Variants in MEGF6 observed in about 807,000 individuals in gnomAD.
MEGF6 encodes multiple epidermal growth factor-like domains protein 6.
A neutral mutation model predicts 207.1 loss-of-function variants in MEGF6; 184 were observed. The ratio of observed to expected loss-of-function variants is 0.89; its 90% CI spans 0.79 to 1.00. The LOEUF is 1.00. Among genes scored for constraint, MEGF6 ranks in the 50% least tolerant of loss-of-function variants. The pLI is 0.00. For synonymous variants in MEGF6, 1,038 were observed against 910.0 expected, an observed-to-expected ratio of 1.14 and a Z score of -2.53; for missense variants, 2,282 against 2,202.9, an observed-to-expected ratio of 1.04 and a Z score of -0.72.
intron 3 of MEGF6, among the ~76,000 whole-genome samples, chr1:3,595,082 G>A (rs2101843824): frequency 6.6e-6 from 1 of 152,034 alleles, no homozygotes; most frequent in East Asian, 1.9e-4. Flanking sequence ...CCAATGGCAG[G>A]CTCCTGTCCT....
chr1:3,534,158 C>T (rs974224790), intron 4 of MEGF6, among the ~76,000 whole-genome samples: 9 of 152,170 alleles, frequency 5.9e-5, no homozygotes, highest in African/African-American at 1.4e-4. Context: ...AGCCATGCAC[C>T]GTGGCTTGTC....
intron 3 of MEGF6, among the ~76,000 whole-genome samples, chr1:3,584,847 C>T (rs1643870684): frequency 6.6e-6 from 1 of 152,264 alleles, no homozygotes; most frequent in African/African-American, 2.4e-5. Context: ...GCCCTCAGCA[C>T]CTGCACACCC....
At chr1:3,510,126 G>T in intron 10 of MEGF6, 134 bp from the exon 11 acceptor site, 3 of 1,254,856 alleles carry the variant, frequency 2.4e-6, no homozygotes, top group Non-Finnish European at 2.1e-6. Context: ...TCTTCAACCA[G>T]CCAGTAAAAC....
Position 3,573,429 on chromosome 1 carries a change from T to G in MEGF6, c.481+6396A>C, listed in dbSNP as rs1327457482. On this transcript the variant is annotated intron_variant, in intron 4 of 36. Transcript: ENST00000356575. This position sits in a 1 kb window ranked among gnomAD's most constrained non-coding sequence, Gnocchi z 5.1. Reference sequence around the variant, plus strand: ...ACCCAAAGGTAAGCACGGGAAACAGTGCGGGGAGCCTGGAACTACAGCCCA... The same window carrying G: ...ACCCAAAGGTAAGCACGGGAAACAGGGCGGGGAGCCTGGAACTACAGCCCA... Among the ~76,000 whole-genome samples the G allele has an allele frequency of 3.3e-5, 5 of 152,106 alleles. No individual in the cohort carries two copies.
At chr1:3,521,388 G>A (rs1338481715) in intron 5 of MEGF6, among the ~76,000 whole-genome samples, 1 of 152,192 alleles carries the variant, frequency 6.6e-6, no homozygotes, top group African/African-American at 2.4e-5. Flanking sequence ...CAGGCAGCCT[G>A]GAACGGACTG....
At chr1:3,492,952 T>G in intron 34 of MEGF6, 185 bp from the exon 35 acceptor site, 1 of 711,542 alleles carries the variant, frequency 1.4e-6, no homozygotes, top group South Asian at 2.0e-5. Flanking sequence ...CTGCCCTGCC[T>G]TCCTCAGCTA....
chr1:3,509,418 C>T (rs545206949), intron 11 of MEGF6, among the ~76,000 whole-genome samples, 173 bp from the exon 12 acceptor site: 2 of 152,246 alleles, frequency 1.3e-5, no homozygotes, highest in East Asian at 1.9e-4. Context: ...CAGCTGCACC[C>T]GACCCTCCTT....
chr1:3,521,817 G>A (rs555849292), intron 5 of MEGF6, among the ~76,000 whole-genome samples: 3 of 152,198 alleles, frequency 2.0e-5, no homozygotes, highest in Non-Finnish European at 4.4e-5. Flanking sequence ...AGGCCACCAT[G>A]GGCAAGGGAC....
intron 3 of MEGF6, among the ~76,000 whole-genome samples, chr1:3,580,231 T>G (rs1643759526): frequency 1.3e-4 from 3 of 23,006 alleles, no homozygotes; most frequent in African/African-American, 1.7e-4. Flanking sequence ...GGGCAGGGAG[T>G]GGGGTCTGAG....
At chr1:3,514,033 G>A (rs1320638842) in intron 7 of MEGF6, among the ~76,000 whole-genome samples, 1 of 152,056 alleles carries the variant, frequency 6.6e-6, no homozygotes, top group Non-Finnish European at 1.5e-5. Context: ...CGGATCACAA[G>A]GTCAGGAGAT....
chr1:3,505,667 T>C lies in MEGF6; in HGVS notation c.1919-111A>G, dbSNP rs181335982. 4.6e-5 allele frequency: 63 copies of C among 1,368,832 alleles called. 1 individual carries two copies. The African/African-American group carries it at 8.6e-4, about 19-fold the overall frequency. The allele number at this position is 1,368,832 out of a possible 1,614,324, so 84.8% of individuals were successfully genotyped here. Reference sequence around the variant, plus strand: ...CGACAGCCAAGATCATGTAGGGAGCTGTCCTCCTCCACCTCTCCCCCTGCA... The same window carrying C: ...CGACAGCCAAGATCATGTAGGGAGCCGTCCTCCTCCACCTCTCCCCCTGCA... On this transcript the variant is annotated intron_variant, in intron 15 of 36. Transcript: ENST00000356575.
chr1:3,605,782 G>A (rs564536090), intron 1 of MEGF6, among the ~76,000 whole-genome samples: 18 of 152,332 alleles, frequency 1.2e-4, no homozygotes, highest in African/African-American at 4.1e-4. Context: ...CTGCCAGGTG[G>A]GTTTAGTCAA....
intron 2 of MEGF6, among the ~76,000 whole-genome samples, chr1:3,600,845 C>T (rs1352994842): frequency 1.3e-5 from 2 of 152,188 alleles, no homozygotes; most frequent in African/African-American, 4.8e-5. Context: ...TAAGAAGCCT[C>T]TGGTTCCCCC....
chr1:3,599,040 C>T lies in MEGF6; in HGVS notation c.266+3426G>A, dbSNP rs552213830. 2.0e-5 allele frequency among the ~76,000 whole-genome samples: 3 copies of T among 152,336 alleles called. No homozygotes were observed. In the East Asian group the frequency reaches 5.8e-4, roughly 29 times the overall value. On this transcript the variant is annotated intron_variant, in intron 2 of 36. Transcript: ENST00000356575. Reference sequence around the variant, plus strand: ...CCGGGCCGGGCTGGAGCACCCATCACCCCGCGGCCCTGCCTGAGGCAGGCA... The same window carrying T: ...CCGGGCCGGGCTGGAGCACCCATCATCCCGCGGCCCTGCCTGAGGCAGGCA...
intron 35 of MEGF6, among the ~76,000 whole-genome samples, chr1:3,491,434 G>C (rs2100809740): frequency 6.6e-6 from 1 of 152,226 alleles, no homozygotes; most frequent in South Asian, 2.1e-4. Context: ...CCCTGCACCA[G>C]CGCACAGGCT....
At chr1:3,611,643 C>A (rs1212121653), upstream of MEGF6, 1 of 162,212 alleles carries the variant, frequency 6.2e-6, no homozygotes, top group African/African-American at 2.6e-5. Context: ...TCTCCTACCC[C>A]ACCAGCGCCC....
rs541848126 is a variant in MEGF6, at chr1:3,506,203, C to A, written c.1823G>T (p.Arg608Leu). The change falls in exon 15 of 37, where the codon CGC becomes CTC. Residue 608 changes from arginine to leucine, a missense_variant. Transcript: ENST00000356575. ...CCGGTTGGCACAGTTGCATTTCTTG[C>A]GACAGTGCTTGCCATAGTAGCCCTT... The part of the protein sequence containing the change: ...CPKGYYGKHC[R>L]KKCNCANRGR... The A allele has an allele frequency of 3.1e-6, 5 of 1,606,442 alleles. No individual in the cohort carries two copies. In the East Asian group the frequency reaches 9.0e-5, roughly 29 times the overall value.
intron 4 of MEGF6, among the ~76,000 whole-genome samples, chr1:3,568,544 C>T (rs75995598): frequency 0.028 from 4,314 of 152,132 alleles, 97 homozygotes; most frequent in East Asian, 0.097. Flanking sequence ...CACCTGCACC[C>T]CAAGCAGCTC....
intron 4 of MEGF6, among the ~76,000 whole-genome samples, chr1:3,542,048 C>T (rs1295937264): frequency 6.6e-6 from 1 of 152,212 alleles, no homozygotes; most frequent in African/African-American, 2.4e-5. Flanking sequence ...CCAGAGAAGG[C>T]GCCTGCTTCC....
Sources: gnomAD v4.1 joint callset for allele counts (sites outside exome capture counted in the v4.1 genomes callset) on GRCh38, gnomAD v4.1.1 for gene constraint, Gnocchi (gnomAD v3.1) non-coding constraint, MANE v1.5 for transcripts, NCBI Gene and HGNC (gene_info 2026-07-23, HGNC 2026-07-21) for gene names.